Variants in TRPM7 observed in about 807,000 individuals in gnomAD.
The protein encoded by TRPM7 is LTRPC ion channel family member 7.
A neutral mutation model predicts 229.7 loss-of-function variants in TRPM7; 134 were observed. That is an observed-to-expected ratio of 0.58 (90% confidence interval 0.51 to 0.67). The LOEUF is 0.67. TRPM7 is among the 30% of genes least tolerant of loss of function. The pLI is 0.00. For synonymous variants in TRPM7, 699 were observed against 715.2 expected (o/e 0.98, Z 0.36); for missense variants, 1,901 against 2,210.0 (o/e 0.86, Z 2.80).
intron 1 of TRPM7, among the ~76,000 whole-genome samples, chr15:50,684,908 G>A (rs1305299694): frequency 2.0e-5 from 3 of 152,116 alleles, no homozygotes; most frequent in Non-Finnish European, 2.9e-5. Flanking sequence ...GACAATCAGG[G>A]AAATATGCTG....
At chr15:50,672,931 T>C (rs1042720593) in intron 1 of TRPM7, among the ~76,000 whole-genome samples, 2 of 136,762 alleles carry the variant, frequency 1.5e-5, no homozygotes, top group East Asian at 2.1e-4. Flanking sequence ...AAAAAGCTTA[T>C]AGAATAAGTA....
intron 29 of TRPM7, among the ~76,000 whole-genome samples, chr15:50,581,749 T>C (rs2054424864): frequency 6.6e-6 from 1 of 152,174 alleles, no homozygotes; most frequent in Non-Finnish European, 1.5e-5. Context: ...TCACATATTT[T>C]ATCATTTTGT....
At chr15:50,686,095 T>C (rs941902423) in intron 1 of TRPM7, among the ~76,000 whole-genome samples, 3 of 152,204 alleles carry the variant, frequency 2.0e-5, no homozygotes, top group African/African-American at 7.2e-5. Flanking sequence ...CTCCCTTTTT[T>C]CCATGTAAAA....
At chr15:50,597,447 C>G (rs1018776549) in intron 22 of TRPM7, among the ~76,000 whole-genome samples, 1 of 152,196 alleles carries the variant, frequency 6.6e-6, no homozygotes, top group East Asian at 1.9e-4. Flanking sequence ...AATGGTTTTA[C>G]GGGCAAATTA....
rs79914634 is a variant in TRPM7, at chr15:50,568,230, C to G, written c.5467+1657G>C. Among the ~76,000 whole-genome samples, 1,124 of 151,642 alleles carry G rather than the reference C, an allele frequency of 7.4e-3. 9 individuals carry two copies. Among genetic ancestry groups the G allele is most frequent in the Non-Finnish European group, 0.013 (889 of 67,894 alleles). ...ATGGTGAAAAGACAGAATGCCTTCC[C>G]CTTAACATCAGAAACAAAGCAAATT... On this transcript the variant is annotated intron_variant, in intron 38 of 38. Coordinates refer to ENST00000646667, the MANE Select transcript of TRPM7 (RefSeq NM_017672.6).
intron 1 of TRPM7, among the ~76,000 whole-genome samples, chr15:50,675,935 C>T (rs1047459915): frequency 6.6e-6 from 1 of 152,164 alleles, no homozygotes; most frequent in Admixed American, 6.5e-5. Flanking sequence ...TGTGTGCAAC[C>T]TTGTGCAAGT....
rs1383567124 is a variant in TRPM7, at chr15:50,574,412, T to C, written c.5170A>G (p.Thr1724Ala). 1.2e-6 allele frequency: 2 copies of C among 1,613,986 alleles called. No individual in the cohort carries two copies. Among genetic ancestry groups the C allele is most frequent in the South Asian group, 2.2e-5 (2 of 91,070 alleles). The change falls in exon 36 of 39, where the codon ACT becomes GCT. Residue 1724 changes from threonine to alanine, a missense_variant. This residue lies in a region of TRPM7 where 257 missense variants were observed against 352.0 expected (regional missense o/e 0.73). Coordinates refer to ENST00000646667, the MANE Select transcript of TRPM7 (RefSeq NM_017672.6). ...GQWFAVEECM[T>A]GEFRKYNNNN... ...TTGTTGTATTTTCTAAATTCTCCAGTCATACATTCTTCCACAGCAAACCAC... is the reference window on the plus strand; with the variant it reads ...TTGTTGTATTTTCTAAATTCTCCAGCCATACATTCTTCCACAGCAAACCAC...
At chr15:50,603,777 C>T (rs1439609122) in intron 21 of TRPM7, among the ~76,000 whole-genome samples, 2 of 152,028 alleles carry the variant, frequency 1.3e-5, no homozygotes, top group African/African-American at 4.8e-5. Flanking sequence ...GTATAAGAAA[C>T]TCTAAGAATA....
Position 50,592,343 on chromosome 15 carries a change from G to A in TRPM7, c.3892C>T (p.Leu1298Phe). ...VWKKHGVVNT[L>F]SSSLPQGDLE... ...TCACCTTGAGGAAGAGAGGAGCTAAGTGTATTTACAACACCATGCTTTTTC... is the reference window on the plus strand; with the variant it reads ...TCACCTTGAGGAAGAGAGGAGCTAAATGTATTTACAACACCATGCTTTTTC... Residue 1298 changes from leucine to phenylalanine, a missense_variant, in exon 26 of 39, where the codon CTT (leucine) becomes TTT (phenylalanine). Leu to Phe is a conservative substitution (Grantham distance 22). Coordinates refer to ENST00000646667, the MANE Select transcript of TRPM7 (RefSeq NM_017672.6). 6.2e-7 allele frequency: 1 copy of A among 1,614,082 alleles called. No individual in the cohort carries two copies. Among genetic ancestry groups the A allele is most frequent in the Non-Finnish European group, 8.5e-7 (1 of 1,179,980 alleles).
At chr15:50,633,372 C>T (rs542561784) in intron 8 of TRPM7, among the ~76,000 whole-genome samples, 6 of 152,224 alleles carry the variant, frequency 3.9e-5, no homozygotes, top group African/African-American at 1.4e-4. Flanking sequence ...AATACATTTT[C>T]ATGGCTCAAA....
rs138202934 is a variant in TRPM7 at position 50,678,324 on chromosome 15, G to A, written c.3+8207C>T. The stretch of plus-strand genomic sequence containing the variant: ...AGAGTTATGTGATAAATTTGTACAT[G>A]GGTCAACATGCCTGCCAAGGGTGAC... On this transcript the variant is annotated intron_variant, in intron 1 of 38. Transcript: ENST00000646667. Among the ~76,000 whole-genome samples, 23 of 150,440 alleles carry A rather than the reference G, an allele frequency of 1.5e-4. 1 individual carries two copies. Among genetic ancestry groups the A allele is most frequent in the African/African-American group, 5.4e-4 (22 of 41,112 alleles).
Position 50,592,162 on chromosome 15 carries a change from C to T in TRPM7, c.4073G>A (p.Ser1358Asn), listed in dbSNP as rs766325009. The change falls in exon 26 of 39, where the codon AGT becomes AAT. Residue 1358 changes from serine (S) to asparagine (N), a missense_variant. Physicochemically the swap from Ser to Asn is conservative, Grantham distance 46. Transcript: ENST00000646667. ...TCGCAGTTCTGGAGGGGAAACAGCA[C>T]TTGGGAATAAGGCACCAGAAGAGGA... The part of the protein sequence containing the change: ...AGSSSGALFP[S>N]AVSPPELRQR... The T allele has an allele frequency of 7.4e-6, 12 of 1,613,986 alleles. No homozygotes were observed. Among genetic ancestry groups the T allele is most frequent in the Non-Finnish European group, 1.0e-5 (12 of 1,179,968 alleles).
In TRPM7 at chr15:50,643,483, T is replaced by C; in HGVS notation, c.392A>G (p.Glu131Gly). ...LQLLLKEWQM[E>G]LPKLVISVHG... ...TACAGAGATAACAAGTTTGGGTAAC[T>C]CCATTTGCCATTCTTTAAGCAGAAG... The change falls in exon 5 of 39, where the codon GAG becomes GGG. Residue 131 changes from glutamate (E) to glycine (G), a missense_variant. Coordinates refer to ENST00000646667, the MANE Select transcript of TRPM7 (RefSeq NM_017672.6). 1 of 1,614,152 alleles carries C rather than the reference T, an allele frequency of 6.2e-7. No individual in the cohort carries two copies. Among genetic ancestry groups the C allele is most frequent in the Non-Finnish European group, 8.5e-7 (1 of 1,180,030 alleles).
intron 10 of TRPM7, 66 bp downstream of exon 10, chr15:50,631,343 TATACACAC>T: frequency 1.3e-6 from 1 of 789,500 alleles, no homozygotes; most frequent in Non-Finnish European, 2.1e-6. Flanking sequence ...TACATACACA[TATACACAC>T]ATACACACAC....
intron 22 of TRPM7, 114 bp from the exon 23 acceptor site, chr15:50,596,495 T>C (rs992973393): frequency 5.9e-6 from 5 of 846,906 alleles, no homozygotes; most frequent in Admixed American, 7.8e-5. Flanking sequence ...GTTTCGATTA[T>C]GTACAAATCT....
At chr15:50,653,622 T>C (rs1287601827) in intron 3 of TRPM7, among the ~76,000 whole-genome samples, 2 of 152,146 alleles carry the variant, frequency 1.3e-5, no homozygotes, top group African/African-American at 4.8e-5. Context: ...AATTTCTCAA[T>C]CATAGAGATG....
chr15:50,589,862 G>T (rs866935654), intron 26 of TRPM7, among the ~76,000 whole-genome samples: 4 of 142,284 alleles, frequency 2.8e-5, no homozygotes, highest in Non-Finnish European at 6.1e-5. Context: ...TTTGTTTTTT[G>T]TTTTTTTAAA....
chr15:50,680,569 C>CA (rs34276298), intron 1 of TRPM7, among the ~76,000 whole-genome samples: 9,285 of 106,292 alleles, frequency 0.087, 387 homozygotes, highest in African/African-American at 0.16. Flanking sequence ...ACACTTGTCT[C>CA]AAAAAAAAAA....
At chr15:50,651,814 G>T (rs1295422851) in intron 3 of TRPM7, among the ~76,000 whole-genome samples, 1 of 151,988 alleles carries the variant, frequency 6.6e-6, no homozygotes, top group Non-Finnish European at 1.5e-5. Context: ...TTGAACCCAG[G>T]AGGTGGGGGT....
Sources: allele counts gnomAD v4.1 joint callset (sites outside exome capture counted in the v4.1 genomes callset), GRCh38; gene constraint gnomAD v4.1.1; regional missense constraint gnomAD v4.1.1; transcripts MANE v1.5; gene names NCBI Gene and HGNC (gene_info 2026-07-23, HGNC 2026-07-21).